Variants in POLQ observed in about 807,000 individuals in gnomAD.
POLQ encodes the protein epididymis secretory sperm binding protein.
In POLQ, 233 loss-of-function variants were observed where a neutral mutation model predicts 259.2. The observed-to-expected ratio is 0.90, with a 90% CI of 0.81 to 1.00. The LOEUF (loss-of-function observed/expected upper bound fraction) is 1.00. POLQ is among the 50% of genes least tolerant of loss of function. The probability of loss-of-function intolerance (pLI) is 0.00; values close to 1 mark genes in which losing one functional copy is unlikely to be tolerated. For synonymous variants in POLQ, 1,025 were observed against 1,048.8 expected, an observed-to-expected ratio of 0.98 and a Z score of 0.44; for missense variants, 2,871 against 3,051.6, an observed-to-expected ratio of 0.94 and a Z score of 1.39.
chr3:121,480,796 T>TA (rs2047964465), intron 19 of POLQ, among the ~76,000 whole-genome samples: 1 of 152,202 alleles, frequency 6.6e-6, no homozygotes, highest in Non-Finnish European at 1.5e-5. Flanking sequence ...GAACCAGACT[T>TA]ACAGTTTCAG....
Position 121,489,371 on chromosome 3 carries a change from T to C in POLQ, c.3560A>G (p.His1187Arg). 6.2e-7 allele frequency: 1 copy of C among 1,613,488 alleles called. No individual in the cohort carries two copies. The highest frequency in any genetic ancestry group is 2.2e-5 in the East Asian group (1 of 44,868). The change falls in exon 16 of 30, where the codon CAT becomes CGT. Residue 1187 changes from histidine (H) to arginine (R), a missense_variant. Physicochemically the swap from His to Arg is conservative, Grantham distance 29. Around this residue, in one of 3 missense-constraint regions of POLQ, gnomAD observed 2,080 missense variants for 2,126.0 expected, o/e 0.98. Coordinates refer to ENST00000264233, the MANE Select transcript of POLQ (RefSeq NM_199420.4). Reference sequence around the variant, plus strand: ...GTACTGGTTAATTGGATGGATGTCATGGTGTTTCATATAAACATTCTGGTT... The same window carrying C: ...GTACTGGTTAATTGGATGGATGTCACGGTGTTTCATATAAACATTCTGGTT... ...SKNQNVYMKH[H>R]DIHPINQYLR...
Position 121,468,421 on chromosome 3 carries a change from G to A in POLQ, c.6729C>T (p.Thr2243=). ...SQSHTATGRI[T]FTEPNIQNVP... Reference sequence around the variant, plus strand: ...CATTCTGAATATTTGGTTCTGTAAAGGTTATTCGTCCTAAAATCAAGCAGA... The same window carrying A: ...CATTCTGAATATTTGGTTCTGTAAAAGTTATTCGTCCTAAAATCAAGCAGA... The change falls in exon 23 of 30, where the codon ACC becomes ACT. Residue 2243 remains threonine, a synonymous_variant. Transcript: ENST00000264233. 1.9e-6 allele frequency: 3 copies of A among 1,608,468 alleles called. No homozygotes were observed. Among genetic ancestry groups the A allele is most frequent in the Non-Finnish European group, 2.6e-6 (3 of 1,175,866 alleles).
intron 29 of POLQ, 119 bp from the exon 30 acceptor site, chr3:121,432,536 A>G: frequency 2.3e-6 from 2 of 857,766 alleles, no homozygotes; most frequent in Non-Finnish European, 3.3e-6. Flanking sequence ...TTAAAATGCT[A>G]AATCAGAAAA....
chr3:121,439,941 G>T, intron 27 of POLQ, 51 bp downstream of exon 27: 1 of 1,493,376 alleles, frequency 6.7e-7, no homozygotes. Context: ...TGCTGAAAAA[G>T]TACATGTCAT....
chr3:121,470,491 G>T (rs534059606), intron 22 of POLQ, among the ~76,000 whole-genome samples: 1 of 152,258 alleles, frequency 6.6e-6, no homozygotes, highest in South Asian at 2.1e-4. Flanking sequence ...GGTAACAGCA[G>T]CAACTGATAG....
chr3:121,543,336 G>A (rs541651383), intron 2 of POLQ, among the ~76,000 whole-genome samples: 4 of 152,272 alleles, frequency 2.6e-5, no homozygotes, highest in Non-Finnish European at 5.9e-5. Flanking sequence ...TACTTTCTAT[G>A]TGCCAAAAAC....
At chr3:121,492,893 C>T (rs2048080433) in intron 15 of POLQ, among the ~76,000 whole-genome samples, 1 of 151,792 alleles carries the variant, frequency 6.6e-6, no homozygotes, top group Middle Eastern at 3.2e-3. Flanking sequence ...AACAATCAGC[C>T]TCAGCCTCCC....
At position 121,484,961 on chromosome 3, in the gene POLQ, T is replaced by C. The variant is rs1207254754; in HGVS notation, c.5773+80A>G. The C allele has an allele frequency of 3.6e-6, 4 of 1,107,560 alleles. No homozygotes were observed. The East Asian group carries it at 7.8e-5, about 22-fold the overall frequency. The allele number at this position is 1,107,560 out of a possible 1,614,324, so 68.6% of individuals were successfully genotyped here. ...AAATCCTAGGTAAATATCAGGAAAT[T>C]ATTCTCAAAATATAAGATCACTACC... On this transcript the variant is annotated intron_variant, in intron 17 of 29. Transcript: ENST00000264233.
chr3:121,532,200 G>GT (rs2048415942), intron 6 of POLQ, among the ~76,000 whole-genome samples: 1 of 152,126 alleles, frequency 6.6e-6, no homozygotes, highest in Non-Finnish European at 1.5e-5. Context: ...GTTCAGATAG[G>GT]TTTTGTGATT....
At chr3:121,539,695 C>A in intron 3 of POLQ, 106 bp from the exon 4 acceptor site, 1 of 784,620 alleles carries the variant, frequency 1.3e-6, no homozygotes, top group East Asian at 2.6e-5. Context: ...AGACATCTAC[C>A]AGATTACTGT....
At chr3:121,437,489 T>A (rs1268184366) in intron 27 of POLQ, among the ~76,000 whole-genome samples, 1 of 152,184 alleles carries the variant, frequency 6.6e-6, no homozygotes, top group Non-Finnish European at 1.5e-5. Flanking sequence ...CAAATTAAAA[T>A]TACAGGATAC....
Position 121,489,142 on chromosome 3 carries a change from C to A in POLQ, c.3789G>T (p.Val1263=). The change falls in exon 16 of 30, where the codon GTG becomes GTT. Residue 1263 remains valine, a synonymous_variant. Transcript: ENST00000264233. ...QALGDDISRT[V]IPSEVLPSAG... ...CTGATGGAAGTACTTCACTGGGTAT[C>A]ACAGTTCTGCTTATATCATCTCCTA... The A allele has an allele frequency of 6.2e-7, 1 of 1,613,916 alleles. No individual in the cohort carries two copies. Among genetic ancestry groups the A allele is most frequent in the Non-Finnish European group, 8.5e-7 (1 of 1,179,916 alleles).
intron 25 of POLQ, among the ~76,000 whole-genome samples, chr3:121,453,775 A>T (rs369088912): frequency 1.3e-5 from 2 of 152,244 alleles, no homozygotes; most frequent in Non-Finnish European, 2.9e-5. Context: ...TGAAAGTGAC[A>T]GGGAGAATGG....
chr3:121,489,691 G>A lies in POLQ; in HGVS notation c.3240C>T (p.Asp1080=). 1 of 1,613,584 alleles carries A rather than the reference G, an allele frequency of 6.2e-7. No individual in the cohort carries two copies. The highest frequency in any genetic ancestry group is 8.5e-7 in the Non-Finnish European group (1 of 1,179,802). Residue 1080 remains aspartate (D), a synonymous_variant, in exon 16 of 30, where the codon GAC becomes GAT. Transcript: ENST00000264233. ...TTTTCTTCTCATCTAAGGTAAACGG[G>A]TCTTCACAAAGACTAGGATTAGACA... is the stretch of plus-strand genomic sequence containing the variant. ...QTLSNPSLCE[D]PFTLDEKKTE... is the part of the protein sequence containing the mutation.
At chr3:121,537,060 T>C (rs1246490018) in intron 5 of POLQ, 40 bp downstream of exon 5, 1 of 940,000 alleles carries the variant, frequency 1.1e-6, no homozygotes, top group Non-Finnish European at 1.8e-6. Context: ...TCCTCAACAT[T>C]GTTTGAAATC....
chr3:121,431,486 T>C lies in POLQ; in HGVS notation c.*818A>G, dbSNP rs1576394633. 1.3e-5 allele frequency: 2 copies of C among 152,264 alleles called. No homozygotes were observed. The highest frequency in any genetic ancestry group is 2.4e-5 in the African/African-American group (1 of 41,436). The allele number at this position is 152,264 out of a possible 1,614,324, so 9.4% of individuals were successfully genotyped here. ...AAAAAGATTAGCTCCATCCCTCTGA[T>C]TGGGATCACAAAGTACAATCTTTTC... On this transcript the variant is annotated 3_prime_UTR_variant, in exon 30 of 30. Transcript: ENST00000264233.
intron 14 of POLQ, chr3:121,494,586 A>G: frequency 1.9e-6 from 3 of 1,566,610 alleles, no homozygotes; most frequent in East Asian, 2.3e-5. Context: ...ATTGCACACA[A>G]CGCGGATCCC....
chr3:121,522,557 C>A (rs2048345248), intron 7 of POLQ, among the ~76,000 whole-genome samples: 1 of 150,246 alleles, frequency 6.7e-6, no homozygotes, highest in Non-Finnish European at 1.5e-5. Context: ...ATGATCCACC[C>A]GCCTCGGCCT....
Position 121,473,349 on chromosome 3 carries a change from C to T in POLQ, c.6543+1G>A. The T allele has an allele frequency of 1.2e-6, 2 of 1,611,584 alleles. No individual in the cohort carries two copies. Among genetic ancestry groups the T allele is most frequent in the Non-Finnish European group, 1.7e-6 (2 of 1,179,268 alleles). ...TGCTCTGTGACTGCCCCAAAGAGCA[C>T]CTTACTAGTGCTGAACTGTCTTCCC... On this transcript the variant is annotated splice_donor_variant, in intron 21 of 29. Coordinates refer to ENST00000264233, the MANE Select transcript of POLQ (RefSeq NM_199420.4). LOFTEE classifies it high-confidence loss of function.
Sources: allele counts gnomAD v4.1 joint callset (sites outside exome capture counted in the v4.1 genomes callset), GRCh38; gene constraint gnomAD v4.1.1; regional missense constraint gnomAD v4.1.1; transcripts MANE v1.5; gene names NCBI Gene and HGNC (gene_info 2026-07-23, HGNC 2026-07-21).